The following DYSF variants were observed in gnomAD, a reference collection of about 807,000 sequenced individuals.
The protein encoded by DYSF is dystrophy-associated fer-1-like 1.
In DYSF, 212 loss-of-function variants were observed where a neutral mutation model predicts 274.9. The observed-to-expected ratio is 0.77, with a 90% CI of 0.69 to 0.86. DYSF has a LOEUF of 0.86. Among genes scored for constraint, DYSF ranks in the 40% least tolerant of loss-of-function variants. DYSF has a pLI of 0.00. For missense variants in DYSF, 2,666 were observed against 2,783.2 expected (o/e 0.96, Z 0.95); for synonymous variants, 1,091 against 1,078.7 (o/e 1.01, Z -0.22).
At chr2:71,461,874 C>T (rs965160636), upstream of DYSF, among the ~76,000 whole-genome samples, 2 of 152,164 alleles carry the variant, frequency 1.3e-5, no homozygotes, top group Admixed American at 6.5e-5. Flanking sequence ...TGTTTGCCTC[C>T]TGGACACCCC....
At chr2:71,486,932 T>G (rs895771614) in intron 3 of DYSF, among the ~76,000 whole-genome samples, 4 of 152,186 alleles carry the variant, frequency 2.6e-5, no homozygotes, top group Non-Finnish European at 4.4e-5. Flanking sequence ...TTTTGACCCG[T>G]GGGATGTTCA....
At chr2:71,612,884 A>G in intron 39 of DYSF, 78 bp downstream of exon 39, 1 of 1,502,178 alleles carries the variant, frequency 6.7e-7, no homozygotes, top group East Asian at 2.4e-5. Context: ...GTTGAGATGC[A>G]TCCTGAAACC....
Position 71,551,040 on chromosome 2 carries a change from G to C in DYSF, c.1577-1G>C. The C allele has an allele frequency of 6.2e-7, 1 of 1,614,046 alleles. No homozygotes were observed. Among genetic ancestry groups the C allele is most frequent in the Non-Finnish European group, 8.5e-7 (1 of 1,179,914 alleles). ...CTCTGATTGCCACTTGTGTCTCCCA[G>C]TGGATGACTACCTGGGCTTCCTCCC... On this transcript the variant is annotated splice_acceptor_variant, in intron 17 of 55. Coordinates refer to ENST00000410020, the MANE Select transcript of DYSF (RefSeq NM_001130987.2). LOFTEE classifies it high-confidence loss of function.
intron 1 of DYSF, among the ~76,000 whole-genome samples, chr2:71,472,693 A>G (rs2082122419): frequency 6.6e-6 from 1 of 152,256 alleles, no homozygotes; most frequent in South Asian, 2.1e-4. Flanking sequence ...GGCGTGAGCC[A>G]CCGCGCCAAG....
chr2:71,477,421 C>G (rs1397022680), intron 1 of DYSF, among the ~76,000 whole-genome samples: 1 of 152,008 alleles, frequency 6.6e-6, no homozygotes, highest in Non-Finnish European at 1.5e-5. Flanking sequence ...CGGGCTCTGT[C>G]AGGAGCTGGT....
chr2:71,549,901 G>A (rs1366513306), intron 17 of DYSF, among the ~76,000 whole-genome samples: 1 of 152,214 alleles, frequency 6.6e-6, no homozygotes, highest in Non-Finnish European at 1.5e-5. Context: ...CTGTGCTGGG[G>A]TCTAGGAGAC....
chr2:71,603,882 G>C (rs2093599872), intron 36 of DYSF, among the ~76,000 whole-genome samples: 2 of 152,220 alleles, frequency 1.3e-5, no homozygotes, highest in African/African-American at 4.8e-5. Context: ...TTAATAACTG[G>C]ATTCGTAATA....
chr2:71,553,838 C>T lies in DYSF; in HGVS notation c.2016C>T (p.Asn672=), dbSNP rs199565036. ...ACTACTACTACCTACCCTGGGGTAA[C>T]GTGAAACCTGTGGTGGTGCTGTCAT... ...GCHYYYLPWG[N]VKPVVVLSSY... The change falls in exon 21 of 56, where the codon AAC becomes AAT. Residue 672 remains asparagine (N), a synonymous_variant. Coordinates refer to ENST00000410020, the MANE Select transcript of DYSF (RefSeq NM_001130987.2). The T allele has an allele frequency of 7.3e-5, 113 of 1,547,100 alleles. No individual in the cohort carries two copies. Among genetic ancestry groups the T allele is most frequent in the Non-Finnish European group, 6.5e-5 (74 of 1,137,752 alleles).
intron 22 of DYSF, among the ~76,000 whole-genome samples, chr2:71,559,924 G>GGTA (rs1244555283): frequency 6.6e-6 from 1 of 152,240 alleles, no homozygotes; most frequent in Non-Finnish European, 1.5e-5. Flanking sequence ...CATCTTTCAG[G>GGTA]CCGGACACTG....
At chr2:71,611,066 C>G in intron 36 of DYSF, 179 bp from the exon 37 acceptor site, 2 of 655,316 alleles carry the variant, frequency 3.1e-6, no homozygotes, top group Non-Finnish European at 5.6e-6. Flanking sequence ...AAGATGATGC[C>G]TGGCCGAAAC....
Position 71,668,841 on chromosome 2 carries a change from A to G in DYSF, c.5545A>G (p.Arg1849Gly). ...PFNITPRRAR[R>G]FFLRCIIWNT... ...CAACATCACCCCACGGAGAGCCAGA[A>G]GGTGACTTGCCCAGCCACAGGCTCT... Residue 1849 changes from arginine to glycine, a missense_variant and splice_region_variant, in exon 49 of 56, where the codon AGG (arginine) becomes GGG (glycine). By Grantham distance (125) the Arg-to-Gly change is moderately radical. Transcript: ENST00000410020. 1 of 1,611,946 alleles carries G rather than the reference A, an allele frequency of 6.2e-7. No homozygotes were observed. The highest frequency in any genetic ancestry group is 1.1e-5 in the South Asian group (1 of 90,754).
At chr2:71,572,394 C>A (rs1574085350) in intron 29 of DYSF, among the ~76,000 whole-genome samples, 1 of 152,204 alleles carries the variant, frequency 6.6e-6, no homozygotes, top group African/African-American at 2.4e-5. Flanking sequence ...TATAGACAGA[C>A]ACACTCAGAT....
Position 71,585,698 on chromosome 2 carries a change from G to A in DYSF, c.3403-3895G>A, listed in dbSNP as rs564886915. Among the ~76,000 whole-genome samples the A allele has an allele frequency of 4.0e-4, 61 of 152,286 alleles. No individual in the cohort carries two copies. The South Asian group carries it at 0.012, about 30-fold the overall frequency. ...TGAGGCAGGTGCCCATTGTTCGTGA[G>A]TTCACTCACTTGTTCACCAATGATG... is the stretch of plus-strand genomic sequence containing the variant. On this transcript the variant is annotated intron_variant, in intron 30 of 55. Coordinates refer to ENST00000410020, the MANE Select transcript of DYSF (RefSeq NM_001130987.2).
intron 42 of DYSF, among the ~76,000 whole-genome samples, chr2:71,652,623 C>T (rs373589017): frequency 6.6e-6 from 1 of 152,212 alleles, no homozygotes; most frequent in South Asian, 2.1e-4. Flanking sequence ...ATAACAATTC[C>T]CCTGTTGAAA....
At chr2:71,593,125 CT>C (rs35900869) in intron 32 of DYSF, among the ~76,000 whole-genome samples, 1,723 of 85,576 alleles carry the variant, frequency 0.02, 14 homozygotes, top group African/African-American at 0.055. Context: ...TCAGTGACTT[CT>C]TTTTTTTTTT....
At chr2:71,552,465 G>C (rs1161055272) in intron 19 of DYSF, among the ~76,000 whole-genome samples, 1 of 152,234 alleles carries the variant, frequency 6.6e-6, no homozygotes, top group Non-Finnish European at 1.5e-5. Context: ...TCTTCTCTCA[G>C]TCGTAGGATT....
Position 71,598,589 on chromosome 2 carries a change from G to T in DYSF, c.3600G>T (p.Leu1200=). The stretch of plus-strand genomic sequence containing the variant: ...ATCCCTATGCCATCGTCTCCTTCCT[G>T]CACCAGAGCCAGAAGACGGTGGTGG... ...FSDPYAIVSF[L]HQSQKTVVVK... is the part of the protein sequence containing the mutation. The change falls in exon 33 of 56, where the codon CTG becomes CTT. Residue 1200 remains leucine (L), a synonymous_variant. Coordinates refer to ENST00000410020, the MANE Select transcript of DYSF (RefSeq NM_001130987.2). 1.2e-6 allele frequency: 2 copies of T among 1,614,164 alleles called. No homozygotes were observed. The highest frequency in any genetic ancestry group is 1.1e-5 in the South Asian group (1 of 91,080).
intron 4 of DYSF, among the ~76,000 whole-genome samples, chr2:71,503,651 T>A (rs1187153878): frequency 2.0e-5 from 3 of 152,158 alleles, no homozygotes; most frequent in African/African-American, 7.2e-5. Flanking sequence ...CTAGTCTCCC[T>A]GGCAGACCTC....
exon 1 of DYSF, chr2:71,453,744 C>G (rs1322414667): frequency 1.8e-6 from 1 of 561,798 alleles, no homozygotes; most frequent in Non-Finnish European, 3.2e-6. Flanking sequence ...AGCAGAAGCC[C>G]CTGTTCTCGG....
Sources: gnomAD v4.1 joint callset for allele counts (sites outside exome capture counted in the v4.1 genomes callset) on GRCh38, gnomAD v4.1.1 for gene constraint, MANE v1.5 for transcripts, NCBI Gene and HGNC (gene_info 2026-07-23, HGNC 2026-07-21) for gene names.